Variants in LDLRAD4 observed in about 807,000 individuals in gnomAD.
LDLRAD4 encodes low-density lipoprotein receptor class A domain-containing protein 4.
Under a neutral mutation model 17.0 loss-of-function variants are expected in LDLRAD4, and 5 were observed. The ratio of observed to expected loss-of-function variants is 0.29; its 90% CI spans 0.15 to 0.62. The LOEUF (loss-of-function observed/expected upper bound fraction) is 0.62. LDLRAD4 is among the 20% of genes least tolerant of loss of function. The pLI is 0.84. For missense variants in LDLRAD4, 340 were observed against 424.7 expected (o/e 0.80, Z 1.75); for synonymous variants, 168 against 171.8 (o/e 0.98, Z 0.17).
At chr18:13,652,320 T>A (rs2043280555) in exon 6 of LDLRAD4, 1 of 152,254 alleles carries the variant, frequency 6.6e-6, no homozygotes, top group Non-Finnish European at 1.5e-5. Context: ...CTTTCAAAAA[T>A]CATGCTAATT....
chr18:13,356,547 T>C (rs1213211901), intron 1 of LDLRAD4, among the ~76,000 whole-genome samples: 1 of 152,196 alleles, frequency 6.6e-6, no homozygotes, highest in Non-Finnish European at 1.5e-5. Context: ...AATTAAAAGT[T>C]TTACCTTTTT....
intron 4 of LDLRAD4, among the ~76,000 whole-genome samples, chr18:13,635,316 T>G (rs1244515698): frequency 6.6e-6 from 1 of 152,164 alleles, no homozygotes; most frequent in African/African-American, 2.4e-5. Context: ...AGCCTCTTCT[T>G]ATAAGGGTAC....
At chr18:13,476,031 CA>C (rs1233455882) in intron 3 of LDLRAD4, among the ~76,000 whole-genome samples, 1 of 152,070 alleles carries the variant, frequency 6.6e-6, no homozygotes, top group African/African-American at 2.4e-5. Context: ...GGGTGTTTGT[CA>C]GGGGAATCTG....
chr18:13,264,409 T>C (rs2044097141), intron 1 of LDLRAD4, among the ~76,000 whole-genome samples: 1 of 152,378 alleles, frequency 6.6e-6, no homozygotes, highest in African/African-American at 2.4e-5. Context: ...TTCAACAGTG[T>C]GCAGGAAAAT....
At chr18:13,291,610 G>A (rs997362505) in intron 1 of LDLRAD4, among the ~76,000 whole-genome samples, 13 of 152,036 alleles carry the variant, frequency 8.6e-5, no homozygotes, top group Admixed American at 3.9e-4. Flanking sequence ...AGGCTGGCCC[G>A]TCTGAATCCC....
intron 1 of LDLRAD4, among the ~76,000 whole-genome samples, chr18:13,261,988 T>C (rs1040121535): frequency 1.3e-4 from 19 of 150,340 alleles, no homozygotes; most frequent in African/African-American, 1.7e-4. Context: ...GTGTGGAAAC[T>C]GAGTCCCGTG....
intron 1 of LDLRAD4, among the ~76,000 whole-genome samples, chr18:13,339,266 C>T (rs927093572): frequency 4.0e-5 from 6 of 150,052 alleles, no homozygotes; most frequent in South Asian, 2.1e-4. Flanking sequence ...GCTGGAGGGA[C>T]GTGGTGGGAT....
chr18:13,478,913 A>ATAACATAGG, intron 3 of LDLRAD4, among the ~76,000 whole-genome samples: 1 of 152,364 alleles, frequency 6.6e-6, no homozygotes, highest in East Asian at 1.9e-4. Context: ...AGGTTGGCAA[A>ATAACATAGG]AGAACAGACA....
At chr18:13,243,779 C>T (rs2042797759) in intron 1 of LDLRAD4, among the ~76,000 whole-genome samples, 2 of 150,852 alleles carry the variant, frequency 1.3e-5, no homozygotes, top group African/African-American at 4.9e-5. Context: ...CCCATCCATC[C>T]GTCTACCCAT....
chr18:13,610,265 A>ATTTTTTTTTTTTTTTTTTTT (rs1157718015), intron 3 of LDLRAD4, among the ~76,000 whole-genome samples: 2 of 62,480 alleles, frequency 3.2e-5, no homozygotes, highest in Non-Finnish European at 3.4e-5. Context: ...CAAAGCCCTA[A>ATTTTTTTTTTTTTTTTTTTT]TTTTTTTTTT....
chr18:13,560,342 G>C (rs2094527600), intron 3 of LDLRAD4, among the ~76,000 whole-genome samples: 1 of 152,208 alleles, frequency 6.6e-6, no homozygotes, highest in Admixed American at 6.5e-5. Context: ...CTGAGCAGGT[G>C]TTTGGAAGCT....
Position 13,621,382 on chromosome 18 carries a change from C to T in LDLRAD4, c.336+111C>T, listed in dbSNP as rs946467510. ...TTCAGTTGACATGTAACAAACGGGGCGAAGCGCACCTCGTAAGTGTTCCAC... is the reference window on the plus strand; with the variant it reads ...TTCAGTTGACATGTAACAAACGGGGTGAAGCGCACCTCGTAAGTGTTCCAC... On this transcript the variant is annotated intron_variant, in intron 4 of 5. Coordinates refer to ENST00000359446, the Ensembl canonical transcript of LDLRAD4. This position sits in a 1 kb window ranked among gnomAD's most constrained non-coding sequence, Gnocchi z 5.5. 19 of 764,344 alleles carry T rather than the reference C, an allele frequency of 2.5e-5. No individual in the cohort carries two copies. In the Admixed American group the frequency reaches 3.0e-4, roughly 12 times the overall value. The allele number at this position is 764,344 out of a possible 1,614,324, so 47.3% of individuals were successfully genotyped here.
At chr18:13,533,182 A>T (rs2094154111) in intron 3 of LDLRAD4, among the ~76,000 whole-genome samples, 1 of 152,234 alleles carries the variant, frequency 6.6e-6, no homozygotes, top group African/African-American at 2.4e-5. Flanking sequence ...GATGGGCTCA[A>T]GTCACAGGGC....
chr18:13,582,578 A>G (rs1224457537), intron 3 of LDLRAD4, among the ~76,000 whole-genome samples: 1 of 152,182 alleles, frequency 6.6e-6, no homozygotes, highest in Non-Finnish European at 1.5e-5. Flanking sequence ...GGGCATCAAT[A>G]CCTGTCCCCA....
At chr18:13,483,417 C>T (rs1198146291) in intron 3 of LDLRAD4, among the ~76,000 whole-genome samples, 4 of 152,170 alleles carry the variant, frequency 2.6e-5, no homozygotes, top group African/African-American at 9.7e-5. Flanking sequence ...TTGTGCTGCC[C>T]CTGCCTGGAC....
intron 2 of LDLRAD4, among the ~76,000 whole-genome samples, chr18:13,421,895 T>C (rs965762691): frequency 2.0e-5 from 3 of 152,244 alleles, no homozygotes; most frequent in African/African-American, 7.2e-5. Context: ...TCGCTGCACC[T>C]GCAGCCTTGG....
chr18:13,389,878 T>C (rs2086136189), intron 2 of LDLRAD4, among the ~76,000 whole-genome samples: 1 of 152,284 alleles, frequency 6.6e-6, no homozygotes, highest in East Asian at 1.9e-4. Flanking sequence ...ACCTCTCACA[T>C]ATTAAGCCAA....
chr18:13,587,649 T>C (rs181386750), intron 3 of LDLRAD4, among the ~76,000 whole-genome samples: 132 of 152,288 alleles, frequency 8.7e-4, no homozygotes, highest in Non-Finnish European at 1.2e-3. Flanking sequence ...CAGACTAACC[T>C]CTCTCTTGGA....
At chr18:13,608,018 C>T (rs1018312157) in intron 3 of LDLRAD4, among the ~76,000 whole-genome samples, 9 of 152,248 alleles carry the variant, frequency 5.9e-5, no homozygotes, top group South Asian at 2.1e-4. Flanking sequence ...GAGGAATTGC[C>T]ACACTGTCTT....
Sources: allele counts gnomAD v4.1 joint callset (sites outside exome capture counted in the v4.1 genomes callset), GRCh38; gene constraint gnomAD v4.1.1; non-coding constraint Gnocchi (gnomAD v3.1); transcripts MANE v1.5; gene names NCBI Gene and HGNC (gene_info 2026-07-23, HGNC 2026-07-21).